HERC3: variants seen among roughly 807,000 people sequenced by gnomAD.
The protein encoded by HERC3 is probable E3 ubiquitin-protein ligase HERC3.
In HERC3, 58 loss-of-function variants were observed where a neutral mutation model predicts 129.9. That is an observed-to-expected ratio of 0.45 (90% CI 0.36 to 0.56). The LOEUF is 0.56. HERC3 is among the 20% of genes least tolerant of loss of function. The pLI is 0.00. For synonymous variants in HERC3, 430 were observed against 451.0 expected, an observed-to-expected ratio of 0.95 and a Z score of 0.59; for missense variants, 835 against 1,244.2, an observed-to-expected ratio of 0.67 and a Z score of 4.95.
chr4:88,567,594 AT>A, the HERC3 span, among the ~76,000 whole-genome samples: 93 of 152,246 alleles, frequency 6.1e-4, no homozygotes, highest in African/African-American at 2.1e-3. Flanking sequence ...ATTCTTCAGT[AT>A]GTCAATTGAA....
intron 23 of HERC3, chr4:88,697,370 C>T (rs1734726936): frequency 1.2e-6 from 2 of 1,613,972 alleles, no homozygotes; most frequent in African/African-American, 2.7e-5. Context: ...CATGCACACC[C>T]CTCCATCTCG....
At chr4:88,618,292 CTCCCTAAGGTAGCTTTTAAAGT>C (rs2149216879) in intron 3 of HERC3, among the ~76,000 whole-genome samples, 1 of 152,324 alleles carries the variant, frequency 6.6e-6, no homozygotes, top group African/African-American at 2.4e-5. Flanking sequence ...TTCTTCATGA[CTCCCTAAGGTAGCTTTTAAAGT>C]AGAAAAGCAA....
intron 3 of HERC3, among the ~76,000 whole-genome samples, chr4:88,607,669 A>G (rs1445513522): frequency 6.6e-6 from 1 of 152,132 alleles, no homozygotes; most frequent in Non-Finnish European, 1.5e-5. Context: ...GAGTTTTGCC[A>G]TGTTGTCCAG....
At chr4:88,652,162 T>C in intron 5 of HERC3, 74 bp downstream of exon 5, 3 of 1,161,062 alleles carry the variant, frequency 2.6e-6, no homozygotes, top group Non-Finnish European at 2.6e-6. Context: ...TTGTGTGATA[T>C]TATCTAACTG....
At chr4:88,678,246 C>T in intron 19 of HERC3, 112 bp downstream of exon 19, 7 of 903,564 alleles carry the variant, frequency 7.7e-6, no homozygotes, top group Non-Finnish European at 1.2e-5. Context: ...TTCTTTCATT[C>T]ATTTTGCAAG....
chr4:88,663,253 G>C (rs1048565278), intron 11 of HERC3, among the ~76,000 whole-genome samples: 1 of 152,138 alleles, frequency 6.6e-6, no homozygotes, highest in Non-Finnish European at 1.5e-5. Context: ...GCTACACTTT[G>C]AGGCACTTGA....
chr4:88,589,370 T>C (rs187277730), upstream of HERC3, among the ~76,000 whole-genome samples: 1 of 152,198 alleles, frequency 6.6e-6, no homozygotes, highest in Non-Finnish European at 1.5e-5. Flanking sequence ...TACAGGGGCA[T>C]GAGCCTAGAA....
the HERC3 span, chr4:88,524,064 G>A: frequency 8.4e-4 from 254 of 303,390 alleles, 1 homozygote; most frequent in African/African-American, 5.3e-3. Flanking sequence ...AGGGAGTTAG[G>A]CTTGGACCTA....
chr4:88,590,903 T>G (rs1721666826), upstream of HERC3, among the ~76,000 whole-genome samples: 4 of 144,858 alleles, frequency 2.8e-5, no homozygotes, highest in Non-Finnish European at 1.5e-5. Context: ...TTTTTTTTTT[T>G]GAGACAACGT....
At chr4:88,684,343 C>T (rs1056729802) in intron 21 of HERC3, among the ~76,000 whole-genome samples, 1 of 152,074 alleles carries the variant, frequency 6.6e-6, no homozygotes, top group Non-Finnish European at 1.5e-5. Context: ...TTTCGACAAA[C>T]CTGACAAAAA....
At chr4:88,695,441 A>G (rs1267669792) in intron 23 of HERC3, among the ~76,000 whole-genome samples, 1 of 152,220 alleles carries the variant, frequency 6.6e-6, no homozygotes, top group East Asian at 1.9e-4. Context: ...CATAAAGTTG[A>G]AATAGCCTTT....
chr4:88,536,364 A>G, the HERC3 span, among the ~76,000 whole-genome samples: 1 of 152,182 alleles, frequency 6.6e-6, no homozygotes, highest in Non-Finnish European at 1.5e-5. Context: ...AGACACTTTT[A>G]TGAAGATTTT....
At chr4:88,660,686 A>G (rs1285854741) in intron 10 of HERC3, among the ~76,000 whole-genome samples, 2 of 152,052 alleles carry the variant, frequency 1.3e-5, no homozygotes, top group Non-Finnish European at 2.9e-5. Context: ...ATAGAATTGA[A>G]GAGGGAATGT....
chr4:88,538,852 C>G, the HERC3 span, among the ~76,000 whole-genome samples: 1 of 152,040 alleles, frequency 6.6e-6, no homozygotes, highest in East Asian at 1.9e-4. Flanking sequence ...CCAATTTCCT[C>G]TTTTTATAAG....
intron 7 of HERC3, among the ~76,000 whole-genome samples, chr4:88,654,399 CAT>C (rs1729654905): frequency 2.2e-5 from 3 of 135,800 alleles, no homozygotes; most frequent in Non-Finnish European, 3.2e-5. Context: ...CACACACACA[CAT>C]AATGTAGATT....
rs1366855879 is a variant in HERC3, at chr4:88,678,150, A to G, written c.2196+16A>G. The G allele has an allele frequency of 6.2e-7, 1 of 1,610,970 alleles. No individual in the cohort carries two copies. Among genetic ancestry groups the G allele is most frequent in the South Asian group, 1.1e-5 (1 of 91,014 alleles). ...GCCTCTCAAAGTGAGTTCCTTCAGG[A>G]TATTCCTCTAAATACCTTCGCAATT... On this transcript the variant is annotated intron_variant, in intron 19 of 25. Transcript: ENST00000402738.
intron 25 of HERC3, among the ~76,000 whole-genome samples, chr4:88,706,246 CTCTG>C: frequency 6.6e-6 from 1 of 152,354 alleles, no homozygotes; most frequent in East Asian, 1.9e-4. Context: ...AGCTGTCTTT[CTCTG>C]TCTGTCTCCC....
At chr4:88,611,338 A>G (rs1030052802) in intron 3 of HERC3, among the ~76,000 whole-genome samples, 1 of 152,210 alleles carries the variant, frequency 6.6e-6, no homozygotes, top group Admixed American at 6.5e-5. Context: ...ATTGAGAACC[A>G]TGACCTGGAG....
In HERC3 at chr4:88,607,722, G is replaced by A. The variant is rs542088334; in HGVS notation, c.226+1673G>A. Among the ~76,000 whole-genome samples the A allele has an allele frequency of 4.6e-5, 7 of 152,252 alleles. No homozygotes were observed. The South Asian group carries it at 1.5e-3, about 32-fold the overall frequency. Reference sequence around the variant, plus strand: ...GAGCTCAAGCAATCTGCCTGCCTTGGCCTCCCAAAGTGCTGGCATTACAGG... The same window carrying A: ...GAGCTCAAGCAATCTGCCTGCCTTGACCTCCCAAAGTGCTGGCATTACAGG... On this transcript the variant is annotated intron_variant, in intron 3 of 25. Transcript: ENST00000402738.
Sources: gnomAD v4.1 joint callset for allele counts (sites outside exome capture counted in the v4.1 genomes callset) on GRCh38, gnomAD v4.1.1 for gene constraint, MANE v1.5 for transcripts, NCBI Gene and HGNC (gene_info 2026-07-23, HGNC 2026-07-21) for gene names.